GRIN3A: variants seen among roughly 807,000 people sequenced by gnomAD.
GRIN3A encodes glutamate ionotropic receptor NMDA type subunit 3A.
GRIN3A carries 47 observed loss-of-function variants against 92.4 expected under a neutral mutation model. That is an observed-to-expected ratio of 0.51 (90% confidence interval 0.40 to 0.65). GRIN3A has a LOEUF of 0.65. GRIN3A is among the 30% of genes least tolerant of loss of function. The probability of loss-of-function intolerance (pLI) is 0.00; values close to 1 mark genes in which losing one functional copy is unlikely to be tolerated. For missense variants in GRIN3A, 1,324 were observed against 1,393.1 expected, an observed-to-expected ratio of 0.95 and a Z score of 0.79; for synonymous variants, 527 against 540.6, an observed-to-expected ratio of 0.97 and a Z score of 0.35.
At chr9:101,660,807 G>T (rs1041933250) in intron 3 of GRIN3A, among the ~76,000 whole-genome samples, 8 of 151,506 alleles carry the variant, frequency 5.3e-5, no homozygotes, top group African/African-American at 1.9e-4. Flanking sequence ...TCTAGTATAA[G>T]AATGATTTTG....
At chr9:101,701,060 G>A (rs936361254) in intron 1 of GRIN3A, among the ~76,000 whole-genome samples, 5 of 152,096 alleles carry the variant, frequency 3.3e-5, no homozygotes, top group African/African-American at 7.2e-5. Context: ...GACAACTACC[G>A]CGAAACTTCT....
chr9:101,657,039 A>G (rs1829097298), intron 3 of GRIN3A, among the ~76,000 whole-genome samples: 1 of 151,928 alleles, frequency 6.6e-6, no homozygotes, highest in African/African-American at 2.4e-5. Context: ...CATATAGAAA[A>G]CAGGAGTATC....
intron 6 of GRIN3A, among the ~76,000 whole-genome samples, chr9:101,609,577 G>T (rs571399128): frequency 5.6e-4 from 85 of 152,288 alleles, no homozygotes; most frequent in African/African-American, 2.0e-3. Flanking sequence ...TTTGACATAG[G>T]TTTATGTTAA....
intron 4 of GRIN3A, among the ~76,000 whole-genome samples, chr9:101,626,242 C>T (rs576019755): frequency 1.3e-5 from 2 of 152,260 alleles, no homozygotes; most frequent in East Asian, 3.9e-4. Context: ...AAACCAGTCA[C>T]ATATTAACAT....
intron 6 of GRIN3A, among the ~76,000 whole-genome samples, chr9:101,579,919 A>G (rs1827868135): frequency 6.6e-6 from 1 of 152,068 alleles, no homozygotes; most frequent in African/African-American, 2.4e-5. Context: ...AAATGACCAC[A>G]ATCTCCAGAT....
At chr9:101,682,685 TA>T (rs1240544008) in intron 2 of GRIN3A, among the ~76,000 whole-genome samples, 1 of 152,140 alleles carries the variant, frequency 6.6e-6, no homozygotes, top group East Asian at 1.9e-4. Flanking sequence ...AACTAACATT[TA>T]AAAAAACAAC....
At chr9:101,734,616 T>G (rs1270072763) in intron 1 of GRIN3A, among the ~76,000 whole-genome samples, 1 of 151,904 alleles carries the variant, frequency 6.6e-6, no homozygotes, top group Non-Finnish European at 1.5e-5. Context: ...TTCTCAGGGG[T>G]TTGTCCATCT....
At chr9:101,584,467 G>A (rs982566557) in intron 6 of GRIN3A, among the ~76,000 whole-genome samples, 1 of 152,174 alleles carries the variant, frequency 6.6e-6, no homozygotes, top group Non-Finnish European at 1.5e-5. Context: ...TACAACTAAT[G>A]TTTTAAATGC....
chr9:101,636,239 C>G (rs935322510), intron 3 of GRIN3A, among the ~76,000 whole-genome samples: 2 of 152,176 alleles, frequency 1.3e-5, no homozygotes, highest in African/African-American at 4.8e-5. Context: ...ATTCCACATC[C>G]TTTTCGTCCA....
rs574553464 is a variant in GRIN3A, at chr9:101,709,812, C to T, written c.700-22612G>A. Among the ~76,000 whole-genome samples the T allele has an allele frequency of 2.6e-5, 4 of 151,950 alleles. No individual in the cohort carries two copies. In the South Asian group the frequency reaches 6.2e-4, roughly 24 times the overall value. ...GTTTTAAAAATTATTATACAAGTAC[C>T]CAAGGCCCCAAGGAAGTGAAACACT... On this transcript the variant is annotated intron_variant, in intron 1 of 8. Transcript: ENST00000361820.
At position 101,737,876 on chromosome 9, in the gene GRIN3A, G is replaced by C. The variant is rs1427572341; in HGVS notation, c.104C>G (p.Pro35Arg). ...LAGVPSSSSH[P>R]QPCQILKRIG... ...GCGCTTGAGGATCTGGCAGGGCTGCGGGTGCGAGGAGGAGCTGGGCACCCC... is the reference window on the plus strand; with the variant it reads ...GCGCTTGAGGATCTGGCAGGGCTGCCGGTGCGAGGAGGAGCTGGGCACCCC... The change falls in exon 1 of 9, where the codon CCG (proline) becomes CGG (arginine). Residue 35 changes from proline (P) to arginine (R), a missense_variant. Transcript: ENST00000361820. The C allele has an allele frequency of 6.5e-7, 1 of 1,534,006 alleles. No homozygotes were observed. Among genetic ancestry groups the C allele is most frequent in the African/African-American group, 1.4e-5 (1 of 72,988 alleles).
intron 1 of GRIN3A, among the ~76,000 whole-genome samples, chr9:101,705,638 A>T (rs756883597): frequency 1.3e-5 from 2 of 152,102 alleles, no homozygotes; most frequent in Non-Finnish European, 2.9e-5. Context: ...CAGGGGTTTG[A>T]GCAACAGGGC....
chr9:101,671,850 T>A (rs1404328117), intron 2 of GRIN3A, among the ~76,000 whole-genome samples: 1 of 152,152 alleles, frequency 6.6e-6, no homozygotes, highest in Non-Finnish European at 1.5e-5. Context: ...AGAGAGCTTA[T>A]GCCAGAAGCC....
intron 2 of GRIN3A, among the ~76,000 whole-genome samples, 194 bp downstream of exon 2, chr9:101,686,402 T>G (rs1463668880): frequency 6.6e-6 from 1 of 152,312 alleles, no homozygotes; most frequent in East Asian, 1.9e-4. Flanking sequence ...TACCATGTAC[T>G]TACAAGTTTA....
At chr9:101,711,335 C>A (rs1283619062) in intron 1 of GRIN3A, among the ~76,000 whole-genome samples, 1 of 152,188 alleles carries the variant, frequency 6.6e-6, no homozygotes, top group African/African-American at 2.4e-5. Flanking sequence ...GGATGATTCA[C>A]ACATCCCGAT....
intron 1 of GRIN3A, among the ~76,000 whole-genome samples, chr9:101,717,723 CA>C (rs5899461): frequency 0.92 from 139,688 of 152,204 alleles, 64,400 homozygotes; most frequent in Middle Eastern, 0.98. Context: ...TGTTTGGCTA[CA>C]AAAATATAGA....
intron 1 of GRIN3A, among the ~76,000 whole-genome samples, chr9:101,702,723 A>T (rs1588290228): frequency 6.6e-6 from 1 of 152,172 alleles, no homozygotes; most frequent in East Asian, 1.9e-4. Context: ...GCTGTTAGGC[A>T]TCTGAAACTT....
At chr9:101,709,655 A>G (rs1172753312) in intron 1 of GRIN3A, among the ~76,000 whole-genome samples, 3 of 152,252 alleles carry the variant, frequency 2.0e-5, no homozygotes, top group Non-Finnish European at 4.4e-5. Flanking sequence ...GTAATTTGGG[A>G]GAATAATGCC....
chr9:101,585,418 G>A (rs918802370), intron 6 of GRIN3A, among the ~76,000 whole-genome samples: 3 of 152,074 alleles, frequency 2.0e-5, no homozygotes, highest in Non-Finnish European at 4.4e-5. Flanking sequence ...AGAGTTGGGG[G>A]CTTTTCTGTC....
Sources: gnomAD v4.1 joint callset for allele counts (sites outside exome capture counted in the v4.1 genomes callset) on GRCh38, gnomAD v4.1.1 for gene constraint, MANE v1.5 for transcripts, NCBI Gene and HGNC (gene_info 2026-07-23, HGNC 2026-07-21) for gene names.